The following PRLHR variants were observed in gnomAD, a reference collection of about 807,000 sequenced individuals.
PRLHR encodes the protein prolactin releasing hormone receptor, also known as prolactin-releasing peptide receptor.
PRLHR carries 10 observed loss-of-function variants against 9.3 expected under a neutral mutation model. That is an observed-to-expected ratio of 1.08 (90% CI 0.66 to 1.82). The LOEUF is 1.82. Ranked by LOEUF, PRLHR falls within the 40% of genes most tolerant of loss-of-function variation. PRLHR has a pLI of 0.00. For synonymous variants in PRLHR, 261 were observed against 249.3 expected (o/e 1.05, Z -0.44); for missense variants, 589 against 512.0 (o/e 1.15, Z -1.45).
Position 118,594,428 on chromosome 10 carries a change from G to A in PRLHR, c.817C>T (p.Arg273Cys). Residue 273 changes from arginine (R) to cysteine (C), a missense_variant, in exon 2 of 2, where the codon CGC becomes TGC. Arg to Cys is a radical substitution (Grantham distance 180, BLOSUM62 -3). Coordinates refer to ENST00000239032, the MANE Select transcript of PRLHR (RefSeq NM_004248.3). ...ACCAGCAAGCAGAAGGTGCGCCGGC[G>A]CCGAGCGCGGTCCCAGTCGGCCTGG... ...QSQADWDRAR[R>C]RRTFCLLVVI... 1.2e-6 allele frequency: 2 copies of A among 1,600,780 alleles called. No individual in the cohort carries two copies. Among genetic ancestry groups the A allele is most frequent in the Non-Finnish European group, 1.7e-6 (2 of 1,179,480 alleles).
rs1844478091 is a variant in PRLHR, at chr10:118,594,956, A to G, written c.289T>C (p.Phe97Leu). 1 of 1,613,556 alleles carries G rather than the reference A, an allele frequency of 6.2e-7. No homozygotes were observed. The highest frequency in any genetic ancestry group is 8.5e-7 in the Non-Finnish European group (1 of 1,179,910). ...RVRRLHNVTN[F>L]LIGNLALSDV... ...GACAAGGCCAGGTTGCCGATGAGGA[A>G]GTTCGTCACGTTGTGCAGCCGGCGC... is the stretch of plus-strand genomic sequence containing the variant. The change falls in exon 2 of 2, where the codon TTC becomes CTC. Residue 97 changes from phenylalanine (F) to leucine (L), a missense_variant. Physicochemically the swap from Phe to Leu is conservative, Grantham distance 22 (BLOSUM62 0). Coordinates refer to ENST00000239032, the MANE Select transcript of PRLHR (RefSeq NM_004248.3).
chr10:118,595,080 C>T lies in PRLHR; in HGVS notation c.165G>A (p.Leu55=). The T allele has an allele frequency of 1.2e-6, 2 of 1,605,408 alleles. No individual in the cohort carries two copies. Among genetic ancestry groups the T allele is most frequent in the Non-Finnish European group, 1.7e-6 (2 of 1,174,592 alleles). The change falls in exon 2 of 2, where the codon CTG becomes CTA. Residue 55 remains leucine (L), a synonymous_variant. Coordinates refer to ENST00000239032, the MANE Select transcript of PRLHR (RefSeq NM_004248.3). ...PAVTPFQSLQ[L]VHQLKGLIVL... ...CGATCAGCCCCTTCAGCTGATGCAC[C>T]AGCTGCAGGCTCTGGAAGGGCGTGA... is the stretch of plus-strand genomic sequence containing the variant.
At chr10:118,595,408 T>C in intron 1 of PRLHR, 108 bp downstream of exon 1, 2 of 603,620 alleles carry the variant, frequency 3.3e-6, no homozygotes, top group South Asian at 5.8e-5. Flanking sequence ...CTCTCACCTC[T>C]GTAAAATAAA....
chr10:118,594,869 C>A lies in PRLHR; in HGVS notation c.376G>T (p.Gly126Cys). Residue 126 changes from glycine to cysteine, a missense_variant, in exon 2 of 2, where the codon GGC becomes TGC. Physicochemically the swap from Gly to Cys is radical, Grantham distance 159. Transcript: ENST00000239032. Reference protein sequence around the residue: ...LTLAYAFEPRGWVFGGGLCHL... With the variant: ...LTLAYAFEPRCWVFGGGLCHL... ...CACAGGCCGCCGCCGAACACCCAGCCGCGTGGCTCGAAGGCATAGGCCAGC... is the reference window on the plus strand; with the variant it reads ...CACAGGCCGCCGCCGAACACCCAGCAGCGTGGCTCGAAGGCATAGGCCAGC... 1 of 1,613,354 alleles carries A rather than the reference C, an allele frequency of 6.2e-7. No individual in the cohort carries two copies. The highest frequency in any genetic ancestry group is 8.5e-7 in the Non-Finnish European group (1 of 1,179,868).
intron 1 of PRLHR, 63 bp from the exon 2 acceptor site, chr10:118,595,313 A>T: frequency 1.4e-6 from 2 of 1,414,602 alleles, no homozygotes; most frequent in Non-Finnish European, 1.9e-6. Flanking sequence ...CTCCTACACC[A>T]GCCGCGCCCC....
rs1160209152 is a variant in PRLHR at position 118,592,852 on chromosome 10, G to A, written c.*1280C>T. 1 of 152,234 alleles carries A rather than the reference G, an allele frequency of 6.6e-6. No homozygotes were observed. The highest frequency in any genetic ancestry group is 1.9e-4 in the East Asian group (1 of 5,202). The allele number at this position is 152,234 out of a possible 1,614,324, so 9.4% of individuals were successfully genotyped here. A position where few individuals can be genotyped will look rare whatever the true frequency, so the allele number is the denominator to read the frequency against. On this transcript the variant is annotated 3_prime_UTR_variant, in exon 2 of 2. Transcript: ENST00000239032. ...CTGAGTTACTGGGAACACAGAGGCTGATCTGACAGCTGGATATTATGTATC... is the reference window on the plus strand; with the variant it reads ...CTGAGTTACTGGGAACACAGAGGCTAATCTGACAGCTGGATATTATGTATC...
In PRLHR at chr10:118,594,820, G is replaced by A. The variant is rs1261913285; in HGVS notation, c.425C>T (p.Pro142Leu). Residue 142 changes from proline to leucine, a missense_variant, in exon 2 of 2, where the codon CCG becomes CTG. By Grantham distance (98) the Pro-to-Leu change is moderately conservative. Coordinates refer to ENST00000239032, the MANE Select transcript of PRLHR (RefSeq NM_004248.3). Reference protein sequence around the residue: ...GLCHLVFFLQPVTVYVSVFTL... With the variant: ...GLCHLVFFLQLVTVYVSVFTL... ...GAACACCGACACATAGACGGTGACC[G>A]GCTGCAGGAAGAAGACCAGGTGGCA... 6.2e-7 allele frequency: 1 copy of A among 1,612,766 alleles called. No homozygotes were observed. Among genetic ancestry groups the A allele is most frequent in the East Asian group, 2.2e-5 (1 of 44,876 alleles).
rs1473602563 is a variant in PRLHR, at chr10:118,595,252, T to C, written c.-6-2A>G. 3.3e-6 allele frequency: 5 copies of C among 1,502,586 alleles called. No individual in the cohort carries two copies. In the South Asian group the frequency reaches 5.2e-5, roughly 16 times the overall value. The allele number at this position is 1,502,586 out of a possible 1,614,324, so 93.1% of individuals were successfully genotyped here. On this transcript the variant is annotated splice_acceptor_variant, in intron 1 of 1. Coordinates refer to ENST00000239032, the MANE Select transcript of PRLHR (RefSeq NM_004248.3). LOFTEE classifies it low-confidence loss of function (5UTR_SPLICE). ...AGTGGTCGATGAGGCCATGGCCACC[T>C]GTTCAAAGGTAATCAAAGTCCGTCA...
In PRLHR at chr10:118,594,840, G is replaced by A. The variant is rs765233691; in HGVS notation, c.405C>T (p.His135=). 6.2e-7 allele frequency: 1 copy of A among 1,613,144 alleles called. No individual in the cohort carries two copies. Among genetic ancestry groups the A allele is most frequent in the Admixed American group, 1.7e-5 (1 of 60,020 alleles). The change falls in exon 2 of 2, where the codon CAC becomes CAT. Residue 135 remains histidine, a synonymous_variant. Transcript: ENST00000239032. ...TGACCGGCTGCAGGAAGAAGACCAG[G>A]TGGCACAGGCCGCCGCCGAACACCC... The part of the protein sequence containing the change: ...RGWVFGGGLC[H]LVFFLQPVTV...
chr10:118,594,236 A>C lies in PRLHR; in HGVS notation c.1009T>G (p.Trp337Gly). 6.3e-7 allele frequency: 1 copy of C among 1,599,744 alleles called. No homozygotes were observed. Among genetic ancestry groups the C allele is most frequent in the Non-Finnish European group, 8.5e-7 (1 of 1,173,402 alleles). The change falls in exon 2 of 2, where the codon TGG becomes GGG. Residue 337 changes from tryptophan to glycine, a missense_variant. Trp to Gly is a radical substitution (Grantham distance 184). Transcript: ENST00000239032. The part of the protein sequence containing the change: ...SACYNPFIYA[W>G]LHDSFREELR... Reference sequence around the variant, plus strand: ...TCCTCGCGGAAGCTGTCGTGCAGCCAGGCGTAGATGAAGGGGTTGTAGCAG... The same window carrying C: ...TCCTCGCGGAAGCTGTCGTGCAGCCCGGCGTAGATGAAGGGGTTGTAGCAG...
At position 118,593,284 on chromosome 10, in the gene PRLHR, T is replaced by A. The variant is rs1265522877; in HGVS notation, c.*848A>T. 1 of 152,214 alleles carries A rather than the reference T, an allele frequency of 6.6e-6. No individual in the cohort carries two copies. The highest frequency in any genetic ancestry group is 1.5e-5 in the Non-Finnish European group (1 of 68,040). The allele number at this position is 152,214 out of a possible 1,614,324, so 9.4% of individuals were successfully genotyped here. On this transcript the variant is annotated 3_prime_UTR_variant, in exon 2 of 2. Transcript: ENST00000239032. ...GTATTCAGAAAACCAAATATTTGAG[T>A]GCCCACTTTGTGGCAAACACTGAAT...
chr10:118,593,301 A>G lies in PRLHR; in HGVS notation c.*831T>C, dbSNP rs753941467. On this transcript the variant is annotated 3_prime_UTR_variant, in exon 2 of 2. Coordinates refer to ENST00000239032, the MANE Select transcript of PRLHR (RefSeq NM_004248.3). ...TATTTGAGTGCCCACTTTGTGGCAAACACTGAATGTGTACCCACACATACA... is the reference window on the plus strand; with the variant it reads ...TATTTGAGTGCCCACTTTGTGGCAAGCACTGAATGTGTACCCACACATACA... 8.5e-5 allele frequency: 13 copies of G among 152,238 alleles called. No individual in the cohort carries two copies. The highest frequency in any genetic ancestry group is 1.5e-4 in the Non-Finnish European group (10 of 68,046). 9.4% of individuals were successfully genotyped at this position (152,238 alleles called of 1,614,324 possible).
Position 118,594,359 on chromosome 10 carries a change from C to T in PRLHR, c.886G>A (p.Val296Ile), listed in dbSNP as rs1844462349. The T allele has an allele frequency of 1.9e-6, 3 of 1,600,440 alleles. No homozygotes were observed. Among genetic ancestry groups the T allele is most frequent in the African/African-American group, 1.3e-5 (1 of 74,974 alleles). ...VFAVCWLPLHVFNLLRDLDPH... is the reference protein window; with the variant it reads ...VFAVCWLPLHIFNLLRDLDPH... ...TCGAGGTCCCGCAGCAGGTTGAAGACGTGCAGCGGCAGCCAGCAGACGGCG... is the reference window on the plus strand; with the variant it reads ...TCGAGGTCCCGCAGCAGGTTGAAGATGTGCAGCGGCAGCCAGCAGACGGCG... The change falls in exon 2 of 2, where the codon GTC becomes ATC. Residue 296 changes from valine (V) to isoleucine (I), a missense_variant. Coordinates refer to ENST00000239032, the MANE Select transcript of PRLHR (RefSeq NM_004248.3).
intron 1 of PRLHR, 107 bp from the exon 2 acceptor site, chr10:118,595,357 C>T: frequency 6.5e-6 from 7 of 1,083,672 alleles, no homozygotes; most frequent in Non-Finnish European, 9.1e-6. Context: ...TTGGGAATAA[C>T]CGGCCACAGA....
Position 118,594,270 on chromosome 10 carries a change from C to CT in PRLHR, c.974_975insA (p.Met325IlefsTer82). ...TGAAGGGGTTGTAGCAGGCCGAACT[C>CT]ATGGCGAGCCAGTGGCAGAGCAGCT... On this transcript the variant is annotated frameshift_variant, in exon 2 of 2. Transcript: ENST00000239032. LOFTEE classifies it high-confidence loss of function. 6.2e-7 allele frequency: 1 copy of CT among 1,605,518 alleles called. No individual in the cohort carries two copies. Among genetic ancestry groups the CT allele is most frequent in the Middle Eastern group, 1.7e-4 (1 of 6,028 alleles).
chr10:118,594,411 G>C lies in PRLHR; in HGVS notation c.834C>G (p.Cys278Trp). The C allele has an allele frequency of 6.2e-7, 1 of 1,600,448 alleles. No homozygotes were observed. ...WDRARRRRTFCLLVVIVVVFA... is the reference protein window; with the variant it reads ...WDRARRRRTFWLLVVIVVVFA... Reference sequence around the variant, plus strand: ...ACACCACCACGATCACCACCAGCAAGCAGAAGGTGCGCCGGCGCCGAGCGC... The same window carrying C: ...ACACCACCACGATCACCACCAGCAACCAGAAGGTGCGCCGGCGCCGAGCGC... The change falls in exon 2 of 2, where the codon TGC becomes TGG. Residue 278 changes from cysteine to tryptophan, a missense_variant. Cys to Trp is a radical substitution (Grantham distance 215). Transcript: ENST00000239032.
chr10:118,595,078 A>G lies in PRLHR; in HGVS notation c.167T>C (p.Val56Ala). The G allele has an allele frequency of 6.2e-7, 1 of 1,605,796 alleles. No individual in the cohort carries two copies. Among genetic ancestry groups the G allele is most frequent in the East Asian group, 2.2e-5 (1 of 44,652 alleles). Reference sequence around the variant, plus strand: ...CACGATCAGCCCCTTCAGCTGATGCACCAGCTGCAGGCTCTGGAAGGGCGT... The same window carrying G: ...CACGATCAGCCCCTTCAGCTGATGCGCCAGCTGCAGGCTCTGGAAGGGCGT... ...AVTPFQSLQLVHQLKGLIVLL... is the reference protein window; with the variant it reads ...AVTPFQSLQLAHQLKGLIVLL... Residue 56 changes from valine to alanine, a missense_variant, in exon 2 of 2, where the codon GTG becomes GCG. Physicochemically the swap from Val to Ala is moderately conservative, Grantham distance 64. Transcript: ENST00000239032.
Position 118,594,906 on chromosome 10 carries a change from G to T in PRLHR, c.339C>A (p.Cys113Ter). The change falls in exon 2 of 2, where the codon TGC becomes TGA. Residue 113 changes from cysteine to a stop codon, truncating the protein, a stop_gained. Transcript: ENST00000239032. LOFTEE classifies it low-confidence loss of function (END_TRUNC). The part of the protein sequence containing the change: ...ALSDVLMCTA[C>*]VPLTLAYAFE... ...AGGCATAGGCCAGCGTGAGCGGCAC[G>T]CAGGCGGTGCACATGAGCACGTCGG... 3 of 1,613,492 alleles carry T rather than the reference G, an allele frequency of 1.9e-6. No homozygotes were observed. The highest frequency in any genetic ancestry group is 2.5e-6 in the Non-Finnish European group (3 of 1,179,868).
rs959938899 is a variant in PRLHR at position 118,594,312 on chromosome 10, G to A, written c.933C>T (p.Tyr311=). The A allele has an allele frequency of 1.8e-5, 29 of 1,602,608 alleles. No individual in the cohort carries two copies. The highest frequency in any genetic ancestry group is 2.3e-5 in the Non-Finnish European group (27 of 1,178,022). ...AGAGCAGCTGCACCAGCCCAAAGGC[G>A]TAAGGGTCGATGGCGTGGGGGTCGA... ...RDLDPHAIDP[Y]AFGLVQLLCH... The change falls in exon 2 of 2, where the codon TAC becomes TAT. Residue 311 remains tyrosine, a synonymous_variant. Coordinates refer to ENST00000239032, the MANE Select transcript of PRLHR (RefSeq NM_004248.3).
Sources: allele counts gnomAD v4.1 joint callset, GRCh38; gene constraint gnomAD v4.1.1; transcripts MANE v1.5; gene names NCBI Gene and HGNC (gene_info 2026-07-23, HGNC 2026-07-21).